The following ITPR2 variants were observed in gnomAD, a reference collection of about 807,000 sequenced individuals.
ITPR2 encodes inositol 1,4,5-trisphosphate-gated calcium channel ITPR2.
ITPR2 carries 207 observed loss-of-function variants against 317.1 expected under a neutral mutation model. The observed-to-expected ratio is 0.65, with a 90% CI of 0.58 to 0.73. ITPR2 has a LOEUF of 0.73. Ranked by LOEUF, ITPR2 falls within the 30% of genes least tolerant of loss-of-function variation. The probability of loss-of-function intolerance (pLI) is 0.00; values close to 1 mark genes in which losing one functional copy is unlikely to be tolerated. For missense variants in ITPR2, 2,613 were observed against 3,284.0 expected, an observed-to-expected ratio of 0.80 and a Z score of 4.99; for synonymous variants, 1,156 against 1,149.1, an observed-to-expected ratio of 1.01 and a Z score of -0.12.
intron 10 of ITPR2, among the ~76,000 whole-genome samples, chr12:26,688,087 G>A (rs1948163492): frequency 6.6e-6 from 1 of 152,092 alleles, no homozygotes; most frequent in African/African-American, 2.4e-5. Context: ...CCAGGCTGGA[G>A]TGCAGTGGCA....
chr12:26,399,821 C>A (rs982195896), intron 53 of ITPR2, among the ~76,000 whole-genome samples: 2 of 152,206 alleles, frequency 1.3e-5, no homozygotes, highest in Non-Finnish European at 2.9e-5. Context: ...CAAGAGGCAA[C>A]CTCGTTTATG....
Position 26,574,179 on chromosome 12 carries a change from CAT to C in ITPR2, c.4630+4532_4630+4533del, listed in dbSNP as rs535707506. 3.3e-5 allele frequency among the ~76,000 whole-genome samples: 5 copies of C among 149,990 alleles called. No individual in the cohort carries two copies. In the South Asian group the frequency reaches 1.1e-3, roughly 32 times the overall value. Reference sequence around the variant, plus strand: ...ACAGAAATCTGCCTCTTGCAGCTGCCATATATGAGTTATAATTCTGTCTTTGG... The same window carrying C: ...ACAGAAATCTGCCTCTTGCAGCTGCCATATGAGTTATAATTCTGTCTTTGG... On this transcript the variant is annotated intron_variant, in intron 34 of 56. Coordinates refer to ENST00000381340, the MANE Select transcript of ITPR2 (RefSeq NM_002223.4).
intron 1 of ITPR2, among the ~76,000 whole-genome samples, chr12:26,828,873 A>AG (rs1290107399): frequency 6.6e-6 from 1 of 152,244 alleles, no homozygotes; most frequent in African/African-American, 2.4e-5. Context: ...GGTACAGAGT[A>AG]GAGGACCGCA....
rs141807120 is a variant in ITPR2 at position 26,346,715 on chromosome 12, G to A, written c.7858-6387C>T. The stretch of plus-strand genomic sequence containing the variant: ...GGGAAAAGGAAAATGGGAGTATAAC[G>A]GAAAGAGCACCAATCTATGAGTCAG... On this transcript the variant is annotated intron_variant, in intron 55 of 56. Coordinates refer to ENST00000381340, the MANE Select transcript of ITPR2 (RefSeq NM_002223.4). Among the ~76,000 whole-genome samples, 164 of 151,604 alleles carry A rather than the reference G, an allele frequency of 1.1e-3. No individual in the cohort carries two copies. The Middle Eastern group carries it at 0.034, about 31-fold the overall frequency.
chr12:26,522,663 G>A (rs1943694695), intron 37 of ITPR2, among the ~76,000 whole-genome samples: 1 of 152,174 alleles, frequency 6.6e-6, no homozygotes, highest in African/African-American at 2.4e-5. Flanking sequence ...ACATGTGCAA[G>A]TTAAATCTCA....
chr12:26,484,349 G>A (rs1942614121), intron 41 of ITPR2, among the ~76,000 whole-genome samples: 1 of 151,974 alleles, frequency 6.6e-6, no homozygotes, highest in Non-Finnish European at 1.5e-5. Context: ...CATATGAACA[G>A]TGCAACTTCA....
At position 26,591,079 on chromosome 12, in the gene ITPR2, CAAAAAAA is replaced by C. The variant is rs34387951; in HGVS notation, c.4380+4379_4380+4385del. Reference sequence around the variant, plus strand: ...TGGGTGACAGAGTGAGACTCCATCTCAAAAAAAAAAAAAAAAAAAAAAAGCCTTTTGT... The same window carrying C: ...TGGGTGACAGAGTGAGACTCCATCTCAAAAAAAAAAAAAAAAGCCTTTTGT... On this transcript the variant is annotated intron_variant, in intron 32 of 56. Coordinates refer to ENST00000381340, the MANE Select transcript of ITPR2 (RefSeq NM_002223.4). Among the ~76,000 whole-genome samples the C allele has an allele frequency of 1.4e-4, 6 of 43,404 alleles. No homozygotes were observed. In the South Asian group the frequency reaches 3.9e-3, roughly 29 times the overall value. The allele number at this position is 43,404 out of a possible 152,430, so 28.5% of individuals were successfully genotyped here.
chr12:26,615,070 T>C (rs982907090), intron 26 of ITPR2, among the ~76,000 whole-genome samples: 3 of 152,254 alleles, frequency 2.0e-5, no homozygotes, highest in African/African-American at 7.2e-5. Flanking sequence ...GGGAACTCTA[T>C]GCTTTCTGTG....
chr12:26,385,079 G>A (rs1316908658), intron 55 of ITPR2, among the ~76,000 whole-genome samples: 3 of 152,092 alleles, frequency 2.0e-5, no homozygotes, highest in Non-Finnish European at 2.9e-5. Context: ...CCTCCTGTGG[G>A]CAATGCAGCA....
chr12:26,574,955 C>T (rs1048023588), intron 34 of ITPR2, among the ~76,000 whole-genome samples: 40 of 151,988 alleles, frequency 2.6e-4, no homozygotes, highest in African/African-American at 9.7e-4. Context: ...ACCCCACCTC[C>T]AACGTCGGAA....
intron 37 of ITPR2, among the ~76,000 whole-genome samples, chr12:26,523,729 T>C (rs1231793345): frequency 6.6e-6 from 1 of 152,224 alleles, no homozygotes; most frequent in Non-Finnish European, 1.5e-5. Flanking sequence ...TATGTGCAGC[T>C]AATCAACCCA....
intron 2 of ITPR2, among the ~76,000 whole-genome samples, chr12:26,756,433 G>A (rs571579613): frequency 6.6e-6 from 1 of 152,304 alleles, no homozygotes; most frequent in East Asian, 1.9e-4. Flanking sequence ...CCAGTTCATG[G>A]AAAGCCTTCT....
In ITPR2 at chr12:26,495,147, C is replaced by A; in HGVS notation, c.5182+5G>T. On this transcript the variant is annotated splice_donor_5th_base_variant and intron_variant, in intron 38 of 56. Coordinates refer to ENST00000381340, the MANE Select transcript of ITPR2 (RefSeq NM_002223.4). ...TAAAATGAGAAAACAAATGACAGGA[C>A]TTACCTCCCACCTGTGCAGTTTTGG... is the stretch of plus-strand genomic sequence containing the variant. 1 of 1,454,178 alleles carries A rather than the reference C, an allele frequency of 6.9e-7. No individual in the cohort carries two copies. The highest frequency in any genetic ancestry group is 9.7e-7 in the Non-Finnish European group (1 of 1,032,806). 90.1% of individuals were successfully genotyped at this position (1,454,178 alleles called of 1,614,324 possible). A position where few individuals can be genotyped will look rare whatever the true frequency, so the allele number is the denominator to read the frequency against.
chr12:26,679,313 T>C lies in ITPR2; in HGVS notation c.1409+2561A>G, dbSNP rs548099612. Among the ~76,000 whole-genome samples, 25 of 152,364 alleles carry C rather than the reference T, an allele frequency of 1.6e-4. No homozygotes were observed. In the South Asian group the frequency reaches 5.0e-3, roughly 30 times the overall value. ...TCCATTTGTTTGCATATTTAGGATT[T>C]TTTTCTAATTGACAGGGATGGAGGG... On this transcript the variant is annotated intron_variant, in intron 13 of 56. Coordinates refer to ENST00000381340, the MANE Select transcript of ITPR2 (RefSeq NM_002223.4).
chr12:26,736,431 CAAA>C (rs1592083083), intron 2 of ITPR2, among the ~76,000 whole-genome samples: 1 of 152,034 alleles, frequency 6.6e-6, no homozygotes, highest in East Asian at 1.9e-4. Context: ...TAACTTTATA[CAAA>C]CATAAATATA....
chr12:26,771,652 C>A (rs548840619), intron 2 of ITPR2, among the ~76,000 whole-genome samples: 33 of 152,248 alleles, frequency 2.2e-4, no homozygotes, highest in Non-Finnish European at 3.7e-4. Flanking sequence ...GCAGCTGGGA[C>A]TACAGGTGCC....
rs561023343 is a variant in ITPR2, at chr12:26,621,926, T to C, written c.3288+314A>G. ...CTATTGGTGCTCCTACCCAAATTCATCAGTAAAATTTAAGGATAAAATAAT... is the reference window on the plus strand; with the variant it reads ...CTATTGGTGCTCCTACCCAAATTCACCAGTAAAATTTAAGGATAAAATAAT... On this transcript the variant is annotated intron_variant, in intron 25 of 56. Transcript: ENST00000381340. 1.4e-3 allele frequency among the ~76,000 whole-genome samples: 206 copies of C among 152,308 alleles called. 1 individual carries two copies. The highest frequency in any genetic ancestry group is 2.5e-3 in the Non-Finnish European group (167 of 68,028).
intron 50 of ITPR2, among the ~76,000 whole-genome samples, chr12:26,418,110 A>G (rs908201585): frequency 2.6e-5 from 4 of 152,200 alleles, no homozygotes; most frequent in African/African-American, 9.6e-5. Context: ...TGGCTCTTTC[A>G]AATGTTTGAG....
At position 26,618,587 on chromosome 12, in the gene ITPR2, G is replaced by A. The variant is rs189726968; in HGVS notation, c.3462+2536C>T. ...AGAAGAACACTCATACACTAGTGGA[G>A]GGAAAACAACTGGCATTGTCTGGTA... is the stretch of plus-strand genomic sequence containing the variant. On this transcript the variant is annotated intron_variant, in intron 26 of 56. Transcript: ENST00000381340. Among the ~76,000 whole-genome samples the A allele has an allele frequency of 1.4e-3, 214 of 152,324 alleles. 1 individual carries two copies. Among genetic ancestry groups the A allele is most frequent in the African/African-American group, 4.6e-3 (190 of 41,576 alleles).
Sources: gnomAD v4.1 joint callset for allele counts (sites outside exome capture counted in the v4.1 genomes callset) on GRCh38, gnomAD v4.1.1 for gene constraint, MANE v1.5 for transcripts, NCBI Gene and HGNC (gene_info 2026-07-23, HGNC 2026-07-21) for gene names.